PIAS2: variants seen among roughly 807,000 people sequenced by gnomAD.
PIAS2 encodes E3 SUMO-protein ligase PIAS2.
PIAS2 carries 19 observed loss-of-function variants against 69.7 expected under a neutral mutation model. The observed-to-expected ratio is 0.27, with a 90% CI of 0.19 to 0.40. The LOEUF (loss-of-function observed/expected upper bound fraction) is 0.40. PIAS2 is among the 10% of genes least tolerant of loss of function. PIAS2 has a pLI of 1.00. For missense variants in PIAS2, 624 were observed against 757.0 expected, an observed-to-expected ratio of 0.82 and a Z score of 2.06; for synonymous variants, 261 against 263.2, an observed-to-expected ratio of 0.99 and a Z score of 0.08.
At chr18:46,815,606 C>A in intron 12 of PIAS2, 1 of 1,121,508 alleles carries the variant, frequency 8.9e-7, no homozygotes, top group Non-Finnish European at 1.1e-6. Flanking sequence ...CAGTGAAGGA[C>A]TAGTCAAAAC....
At chr18:46,894,312 C>A (rs907911229) in intron 1 of PIAS2, among the ~76,000 whole-genome samples, 7 of 152,096 alleles carry the variant, frequency 4.6e-5, no homozygotes, top group Non-Finnish European at 7.4e-5. Flanking sequence ...GCCCTTCCCC[C>A]ACAGTGAGTG....
chr18:46,915,860 T>C (rs1173058217), intron 1 of PIAS2, among the ~76,000 whole-genome samples: 1 of 151,418 alleles, frequency 6.6e-6, no homozygotes, highest in Non-Finnish European at 1.5e-5. Flanking sequence ...AAATGGCAGG[T>C]AAAAATAAAT....
At chr18:46,882,315 ATTC>A (rs2052404311) in intron 2 of PIAS2, among the ~76,000 whole-genome samples, 1 of 152,154 alleles carries the variant, frequency 6.6e-6, no homozygotes, top group Non-Finnish European at 1.5e-5. Context: ...AAAGAGATTG[ATTC>A]TTATTAATTT....
rs1226877813 is a variant in PIAS2 at position 46,810,053 on chromosome 18, C to A, written c.*2380G>T. On this transcript the variant is annotated 3_prime_UTR_variant, in exon 14 of 14. Transcript: ENST00000585916. Reference sequence around the variant, plus strand: ...GCTCAAGACAGATAAACAACGTAAGCCCCAATTTCAAGATGATAAACTTCA... The same window carrying A: ...GCTCAAGACAGATAAACAACGTAAGACCCAATTTCAAGATGATAAACTTCA... The A allele has an allele frequency of 6.6e-6, 1 of 151,892 alleles. No individual in the cohort carries two copies. The highest frequency in any genetic ancestry group is 1.5e-5 in the Non-Finnish European group (1 of 68,014). 9.4% of individuals were successfully genotyped at this position (151,892 alleles called of 1,614,324 possible).
chr18:46,815,335 A>G lies in PIAS2; in HGVS notation c.1663T>C (p.Ser555Pro). The G allele has an allele frequency of 1.9e-6, 3 of 1,612,308 alleles. No individual in the cohort carries two copies. The highest frequency in any genetic ancestry group is 2.5e-6 in the Non-Finnish European group (3 of 1,178,762). Residue 555 changes from serine (S) to proline (P), a missense_variant, in exon 13 of 14, where the codon TCC becomes CCC. Around this residue, in one of 3 missense-constraint regions of PIAS2, gnomAD observed 241 missense variants for 257.3 expected, o/e 0.94. Coordinates refer to ENST00000585916, the MANE Select transcript of PIAS2 (RefSeq NM_004671.5). ...SSDLPGLDFL[S>P]LIPVDPQYCP... ...ACCTGGGGATCAACTGGAATAAGGG[A>G]AAGAAAATCCAAACCTAAAACAAAA... is the stretch of plus-strand genomic sequence containing the variant.
In PIAS2 at chr18:46,832,892, C is replaced by CAAAAAAAA. The variant is rs34958166; in HGVS notation, c.1203-3033_1203-3026dup. 1.3e-3 allele frequency among the ~76,000 whole-genome samples: 141 copies of CAAAAAAAA among 105,904 alleles called. 2 individuals are homozygous for CAAAAAAAA. Among genetic ancestry groups the CAAAAAAAA allele is most frequent in the African/African-American group, 4.9e-3 (133 of 27,332 alleles). The allele number at this position is 105,904 out of a possible 152,430, so 69.5% of individuals were successfully genotyped here. On this transcript the variant is annotated intron_variant, in intron 9 of 13. Transcript: ENST00000585916. ...GGGCAACAGAGCAAGCCTCTGTCTC[C>CAAAAAAAA]AAAAAAAAAAAAAAAAAGAGAAGCC... is the stretch of plus-strand genomic sequence containing the variant.
chr18:46,898,620 C>T (rs759977482), intron 1 of PIAS2, among the ~76,000 whole-genome samples: 12 of 151,598 alleles, frequency 7.9e-5, no homozygotes, highest in African/African-American at 2.7e-4. Context: ...TTAAAAAAAC[C>T]GAAGTAACAC....
intron 12 of PIAS2, chr18:46,816,723 C>A (rs1050141541): frequency 2.1e-5 from 18 of 848,536 alleles, no homozygotes; most frequent in Non-Finnish European, 4.3e-6. Flanking sequence ...CCGCCTCAGC[C>A]TCCCAAAGTG....
intron 2 of PIAS2, among the ~76,000 whole-genome samples, chr18:46,866,285 T>C (rs575209638): frequency 7.9e-5 from 12 of 152,334 alleles, no homozygotes; most frequent in South Asian, 2.1e-4. Context: ...TTGATTATGT[T>C]TGATTAATCT....
At chr18:46,835,339 A>C (rs1380442075) in intron 9 of PIAS2, among the ~76,000 whole-genome samples, 2 of 152,232 alleles carry the variant, frequency 1.3e-5, no homozygotes, top group African/African-American at 4.8e-5. Context: ...CTGTAGGTTT[A>C]AAATTTTTTC....
At chr18:46,853,248 T>A (rs1478360697) in intron 5 of PIAS2, 1 of 147,916 alleles carries the variant, frequency 6.8e-6, no homozygotes, top group African/African-American at 2.5e-5. Context: ...ACTAATGCAC[T>A]CCAGCCTGGG....
chr18:46,861,116 C>G (rs958797853), intron 3 of PIAS2, among the ~76,000 whole-genome samples: 2 of 151,994 alleles, frequency 1.3e-5, no homozygotes, highest in African/African-American at 4.8e-5. Context: ...CCTTTCTCTA[C>G]TAAAAATACA....
chr18:46,835,619 C>T (rs1403819203), intron 9 of PIAS2, among the ~76,000 whole-genome samples: 1 of 152,050 alleles, frequency 6.6e-6, no homozygotes, highest in African/African-American at 2.4e-5. Flanking sequence ...GTACAAGTAT[C>T]TTTAAAACTC....
chr18:46,856,005 T>TTG (rs2047725250), intron 3 of PIAS2, among the ~76,000 whole-genome samples: 1 of 117,772 alleles, frequency 8.5e-6, no homozygotes, highest in Non-Finnish European at 1.9e-5. Context: ...TTGTTTTTTT[T>TTG]TTTTTTTTTT....
intron 12 of PIAS2, chr18:46,818,137 A>C: frequency 9.2e-7 from 1 of 1,089,506 alleles, no homozygotes; most frequent in Non-Finnish European, 1.1e-6. Flanking sequence ...TTGACTCATT[A>C]GATTTTTTCT....
chr18:46,821,994 G>GT (rs1247632690), intron 11 of PIAS2, among the ~76,000 whole-genome samples: 5 of 152,100 alleles, frequency 3.3e-5, no homozygotes, highest in African/African-American at 1.2e-4. Flanking sequence ...ATCCTTGAAT[G>GT]TATGTAGGAA....
chr18:46,903,051 C>T (rs1048751657), intron 1 of PIAS2, among the ~76,000 whole-genome samples: 1 of 152,188 alleles, frequency 6.6e-6, no homozygotes, highest in South Asian at 2.1e-4. Context: ...ATACCTTATA[C>T]AAAAATAACT....
At position 46,875,219 on chromosome 18, in the gene PIAS2, T is replaced by C. The variant is rs117891701; in HGVS notation, c.500-10971A>G. Among the ~76,000 whole-genome samples the C allele has an allele frequency of 4.0e-3, 607 of 152,250 alleles. 2 individuals are homozygous for C. Among genetic ancestry groups the C allele is most frequent in the Non-Finnish European group, 7.1e-3 (481 of 68,002 alleles). ...ATAAGTATCTATGTCCGTACTGTAGTGAGTCAACAAAGTATAAGCATGGAG... is the reference window on the plus strand; with the variant it reads ...ATAAGTATCTATGTCCGTACTGTAGCGAGTCAACAAAGTATAAGCATGGAG... On this transcript the variant is annotated intron_variant, in intron 2 of 13. Coordinates refer to ENST00000585916, the MANE Select transcript of PIAS2 (RefSeq NM_004671.5).
chr18:46,828,069 TTTC>T lies in PIAS2; in HGVS notation c.1395_1397del (p.Lys466del), dbSNP rs1277934299. ...CTATTGTAAGATCAATAACATCTAC[TTTC>T]TTCTTGCTTGCCTCACTGGCTACAG... is the stretch of plus-strand genomic sequence containing the variant. On this transcript the variant is annotated inframe_deletion, in exon 11 of 14. Transcript: ENST00000585916. 1.9e-6 allele frequency: 3 copies of T among 1,613,922 alleles called. No individual in the cohort carries two copies. Among genetic ancestry groups the T allele is most frequent in the Non-Finnish European group, 2.5e-6 (3 of 1,179,872 alleles).
Sources: gnomAD v4.1 joint callset for allele counts (sites outside exome capture counted in the v4.1 genomes callset) on GRCh38, gnomAD v4.1.1 for gene constraint, gnomAD v4.1.1 regional missense constraint, MANE v1.5 for transcripts, NCBI Gene and HGNC (gene_info 2026-07-23, HGNC 2026-07-21) for gene names.